Variants in RNLS observed in about 807,000 individuals in gnomAD.
RNLS encodes the protein renalase.
In RNLS, 39 loss-of-function variants were observed where a neutral mutation model predicts 39.8. The observed-to-expected ratio is 0.98, with a 90% CI of 0.76 to 1.28. RNLS has a LOEUF of 1.28. Ranked by LOEUF, RNLS falls within the 50% of genes most tolerant of loss-of-function variation. The pLI is 0.00. For synonymous variants in RNLS, 147 were observed against 150.7 expected (o/e 0.98, Z 0.18); for missense variants, 410 against 413.3 (o/e 0.99, Z 0.07).
At chr10:88,366,615 T>G (rs1850119316) in intron 4 of RNLS, among the ~76,000 whole-genome samples, 1 of 134,736 alleles carries the variant, frequency 7.4e-6, no homozygotes, top group Non-Finnish European at 1.5e-5. Flanking sequence ...CTAAGCTGTT[T>G]ACTTGCAAGG....
At chr10:88,211,329 G>A in the RNLS span, among the ~76,000 whole-genome samples, 1 of 152,136 alleles carries the variant, frequency 6.6e-6, no homozygotes, top group African/African-American at 2.4e-5. Flanking sequence ...TCTAACAAGT[G>A]CCAGACATTA....
intron 4 of RNLS, among the ~76,000 whole-genome samples, chr10:88,504,163 A>G (rs1016259482): frequency 6.6e-6 from 1 of 152,172 alleles, no homozygotes; most frequent in Non-Finnish European, 1.5e-5. Flanking sequence ...TCCTGAATCA[A>G]GACAGCTAAG....
At chr10:88,366,663 GAAAAAA>G (rs774157650) in intron 4 of RNLS, among the ~76,000 whole-genome samples, 54 of 25,834 alleles carry the variant, frequency 2.1e-3, no homozygotes, top group East Asian at 6.0e-3. Flanking sequence ...TAAGTTTTCT[GAAAAAA>G]AAAAAAAAAA....
chr10:88,346,664 C>T (rs1292584952), intron 5 of RNLS, among the ~76,000 whole-genome samples: 2 of 152,104 alleles, frequency 1.3e-5, no homozygotes, highest in African/African-American at 4.8e-5. Flanking sequence ...ATTTCAGGAG[C>T]AGGGAAGGGC....
the RNLS span, among the ~76,000 whole-genome samples, chr10:88,217,254 C>T: frequency 6.6e-6 from 1 of 152,126 alleles, no homozygotes; most frequent in Non-Finnish European, 1.5e-5. Context: ...CAAAGTTCGT[C>T]AAACGAAACA....
At chr10:88,173,008 C>A in the RNLS span, among the ~76,000 whole-genome samples, 4 of 151,360 alleles carry the variant, frequency 2.6e-5, no homozygotes, top group Admixed American at 6.6e-5. Context: ...AGGCACCCAC[C>A]ACCACGCCCA....
rs534732644 is a variant in RNLS at position 88,500,947 on chromosome 10, T to A, written c.526+71956A>T. Among the ~76,000 whole-genome samples the A allele has an allele frequency of 3.3e-5, 5 of 152,138 alleles. No individual in the cohort carries two copies. In the East Asian group the frequency reaches 7.7e-4, roughly 24 times the overall value. On this transcript the variant is annotated intron_variant, in intron 4 of 6. Coordinates refer to ENST00000331772, the MANE Select transcript of RNLS (RefSeq NM_001031709.3). ...CTATGTAATGAGATTATTGTTTTAA[T>A]TTAGGGGGAAATATATAATGTGTGT...
At chr10:88,537,964 G>C (rs1467308109) in intron 4 of RNLS, among the ~76,000 whole-genome samples, 3 of 152,120 alleles carry the variant, frequency 2.0e-5, no homozygotes, top group Admixed American at 2.0e-4. Flanking sequence ...TTCCCCAGGG[G>C]AACTTGGAGA....
chr10:88,567,666 G>A lies in RNLS; in HGVS notation c.526+5237C>T, dbSNP rs76611914. On this transcript the variant is annotated intron_variant, in intron 4 of 6. Coordinates refer to ENST00000331772, the MANE Select transcript of RNLS (RefSeq NM_001031709.3). Reference sequence around the variant, plus strand: ...AATTAGTCTCCCACTTTGCCTACAGGCATCTAATAAATATTCCAATTTCTT... The same window carrying A: ...AATTAGTCTCCCACTTTGCCTACAGACATCTAATAAATATTCCAATTTCTT... 9.4e-4 allele frequency among the ~76,000 whole-genome samples: 143 copies of A among 152,172 alleles called. 3 individuals are homozygous for A. In the East Asian group the frequency reaches 0.021, roughly 22 times the overall value.
At chr10:88,430,304 T>C (rs1383612521) in intron 4 of RNLS, among the ~76,000 whole-genome samples, 4 of 151,830 alleles carry the variant, frequency 2.6e-5, no homozygotes, top group African/African-American at 9.7e-5. Context: ...TTGTCATTAC[T>C]AATATAAACA....
intron 6 of RNLS, among the ~76,000 whole-genome samples, chr10:88,275,973 GAGCCC>G (rs1403118945): frequency 5.3e-5 from 8 of 152,088 alleles, no homozygotes; most frequent in Non-Finnish European, 1.2e-4. Context: ...AGGATCCCTT[GAGCCC>G]AGGAATTTGA....
At chr10:88,401,399 C>T (rs534266297) in intron 4 of RNLS, among the ~76,000 whole-genome samples, 97 of 152,110 alleles carry the variant, frequency 6.4e-4, no homozygotes, top group Non-Finnish European at 1.3e-3. Context: ...TCTTAGCATT[C>T]ACAGCCTCAG....
the RNLS span, among the ~76,000 whole-genome samples, chr10:88,251,283 C>A: frequency 8.2e-4 from 125 of 152,342 alleles, no homozygotes; most frequent in Middle Eastern, 3.4e-3. Flanking sequence ...GCATCCTGCA[C>A]ACAATGCCTG....
intron 4 of RNLS, among the ~76,000 whole-genome samples, chr10:88,395,051 G>A (rs568172225): frequency 1.3e-5 from 2 of 152,104 alleles, no homozygotes; most frequent in South Asian, 4.2e-4. Context: ...TGTGGGGTGG[G>A]GGGACGGGAG....
chr10:88,269,781 A>C (rs1842599759), downstream of RNLS, among the ~76,000 whole-genome samples: 1 of 152,204 alleles, frequency 6.6e-6, no homozygotes, highest in African/African-American at 2.4e-5. Flanking sequence ...ATTTATGTAC[A>C]CAACAATAGA....
chr10:88,443,473 C>T (rs867927276), intron 4 of RNLS, among the ~76,000 whole-genome samples: 1 of 152,176 alleles, frequency 6.6e-6, no homozygotes, highest in Non-Finnish European at 1.5e-5. Flanking sequence ...GGGTGCAGGA[C>T]AGTGGGTGCA....
intron 6 of RNLS, among the ~76,000 whole-genome samples, chr10:88,307,550 C>T (rs984426489): frequency 6.6e-6 from 1 of 152,086 alleles, no homozygotes; most frequent in Non-Finnish European, 1.5e-5. Flanking sequence ...AAGCCAAGGG[C>T]CAAATCAGGA....
chr10:88,424,165 T>C (rs960826727), intron 4 of RNLS, among the ~76,000 whole-genome samples: 1 of 152,220 alleles, frequency 6.6e-6, no homozygotes, highest in Non-Finnish European at 1.5e-5. Context: ...GGTCCATGAA[T>C]GCTGAAGCTT....
In RNLS at chr10:88,284,637, C is replaced by T. The variant is rs368284558; in HGVS notation, c.*717G>A. On this transcript the variant is annotated 3_prime_UTR_variant, in exon 7 of 7. Coordinates refer to ENST00000331772, the MANE Select transcript of RNLS (RefSeq NM_001031709.3). ...ATAAAATATAGCAAAAGGTAAGGATCGATATACTTTCTCTCTGTTTCTATT... is the reference window on the plus strand; with the variant it reads ...ATAAAATATAGCAAAAGGTAAGGATTGATATACTTTCTCTCTGTTTCTATT... The T allele has an allele frequency of 3.0e-5, 30 of 985,036 alleles. No individual in the cohort carries two copies. The African/African-American group carries it at 5.1e-4, about 17-fold the overall frequency. 61.0% of individuals were successfully genotyped at this position (985,036 alleles called of 1,614,324 possible). A position where few individuals can be genotyped will look rare whatever the true frequency, so the allele number is the denominator to read the frequency against.
Sources: gnomAD v4.1 joint callset for allele counts (sites outside exome capture counted in the v4.1 genomes callset) on GRCh38, gnomAD v4.1.1 for gene constraint, MANE v1.5 for transcripts, NCBI Gene and HGNC (gene_info 2026-07-23, HGNC 2026-07-21) for gene names.